Variants in STXBP4 observed in about 807,000 individuals in gnomAD.
The protein encoded by STXBP4 is syntaxin binding protein 4, also known as syntaxin-binding protein 4.
Under a neutral mutation model 76.1 loss-of-function variants are expected in STXBP4, and 55 were observed. The ratio of observed to expected loss-of-function variants is 0.72; its 90% CI spans 0.58 to 0.91. The LOEUF is 0.91. STXBP4 is among the 40% of genes least tolerant of loss of function. The probability of loss-of-function intolerance (pLI) is 0.00; values close to 1 mark genes in which losing one functional copy is unlikely to be tolerated. For synonymous variants in STXBP4, 201 were observed against 220.2 expected, an observed-to-expected ratio of 0.91 and a Z score of 0.77; for missense variants, 618 against 636.9, an observed-to-expected ratio of 0.97 and a Z score of 0.32.
At chr17:55,097,408 A>T in intron 16 of STXBP4, among the ~76,000 whole-genome samples, 1 of 152,252 alleles carries the variant, frequency 6.6e-6, no homozygotes, top group East Asian at 1.9e-4. Flanking sequence ...TCATGCCTGT[A>T]ATCCCAGCAC....
At chr17:55,152,763 A>G (rs1391377366) in intron 17 of STXBP4, among the ~76,000 whole-genome samples, 2 of 152,206 alleles carry the variant, frequency 1.3e-5, no homozygotes, top group Non-Finnish European at 2.9e-5. Context: ...ACACATGGAG[A>G]TTACAATTCA....
the STXBP4 span, among the ~76,000 whole-genome samples, chr17:55,180,400 C>T: frequency 7.5e-4 from 114 of 152,278 alleles, no homozygotes; most frequent in African/African-American, 2.6e-3. Context: ...GGTCATCAAA[C>T]GATACTCTGT....
In STXBP4 at chr17:55,169,199, A is replaced by G. The variant is rs989217215; in HGVS notation, c.*9288A>G. On this transcript the variant is annotated 3_prime_UTR_variant, in exon 18 of 18. Transcript: ENST00000376352. ...TAGAACCGATCCAAAGGAAAGGGGG[A>G]AAAAAACCCACAAAAAGTGTGATGT... The G allele has an allele frequency of 6.6e-6, 1 of 152,092 alleles. No individual in the cohort carries two copies. The highest frequency in any genetic ancestry group is 2.1e-4 in the South Asian group (1 of 4,818). 9.4% of individuals were successfully genotyped at this position (152,092 alleles called of 1,614,324 possible). A position where few individuals can be genotyped will look rare whatever the true frequency, so the allele number is the denominator to read the frequency against.
At position 55,078,125 on chromosome 17, in the gene STXBP4, A is replaced by C. The variant is rs1567751317; in HGVS notation, c.1236A>C (p.Gln412His). 1.2e-6 allele frequency: 2 copies of C among 1,612,590 alleles called. No individual in the cohort carries two copies. The highest frequency in any genetic ancestry group is 1.3e-5 in the African/African-American group (1 of 74,948). ...LKKRIMVLDC[Q>H]LRKSEMARKT... ...AGAGAATCATGGTACTCGACTGCCAATTACGAAAATCAGAAATGGCTCGAA... is the reference window on the plus strand; with the variant it reads ...AGAGAATCATGGTACTCGACTGCCACTTACGAAAATCAGAAATGGCTCGAA... The change falls in exon 14 of 18, where the codon CAA (glutamine) becomes CAC (histidine). Residue 412 changes from glutamine to histidine, a missense_variant. Coordinates refer to ENST00000376352, the MANE Select transcript of STXBP4 (RefSeq NM_178509.6).
chr17:54,982,907 T>C (rs990477120), intron 1 of STXBP4, among the ~76,000 whole-genome samples: 1 of 152,206 alleles, frequency 6.6e-6, no homozygotes, highest in African/African-American at 2.4e-5. Flanking sequence ...TTACCTGAAT[T>C]AATTTTCCAG....
At chr17:55,138,152 T>G (rs1179013549) in intron 16 of STXBP4, among the ~76,000 whole-genome samples, 1 of 152,138 alleles carries the variant, frequency 6.6e-6, no homozygotes, top group African/African-American at 2.4e-5. Flanking sequence ...ATTTTTTTTG[T>G]AGAACTTATT....
chr17:55,137,271 T>C (rs2787473), intron 16 of STXBP4, among the ~76,000 whole-genome samples: 92,851 of 146,224 alleles, frequency 0.63, 30,419 homozygotes, highest in African/African-American at 0.79. Flanking sequence ...CACACCTCCA[T>C]GTTCCCTCCC....
chr17:55,093,957 A>G (rs1335934634), intron 16 of STXBP4, among the ~76,000 whole-genome samples: 1 of 152,132 alleles, frequency 6.6e-6, no homozygotes, highest in Non-Finnish European at 1.5e-5. Context: ...GACAGTGATG[A>G]GTGTTATGCA....
intron 7 of STXBP4, among the ~76,000 whole-genome samples, chr17:55,006,351 C>G (rs2078007512): frequency 6.6e-6 from 1 of 152,084 alleles, no homozygotes; most frequent in South Asian, 2.1e-4. Flanking sequence ...GACAGATGCT[C>G]TGAGAAATTT....
chr17:54,999,898 A>G (rs2077880110), intron 6 of STXBP4, 56 bp downstream of exon 6: 3 of 1,138,884 alleles, frequency 2.6e-6, no homozygotes, highest in Non-Finnish European at 3.8e-6. Context: ...TTCCCTATAC[A>G]TTTTTACATT....
At chr17:55,132,942 A>G (rs1427594783) in intron 16 of STXBP4, among the ~76,000 whole-genome samples, 2 of 152,242 alleles carry the variant, frequency 1.3e-5, no homozygotes, top group Admixed American at 6.5e-5. Context: ...GTTATGTTCA[A>G]GGAACAGTAT....
intron 8 of STXBP4, among the ~76,000 whole-genome samples, chr17:55,018,255 T>G (rs937497744): frequency 2.0e-5 from 3 of 152,148 alleles, no homozygotes; most frequent in Admixed American, 2.0e-4. Context: ...ATGGCAAGCC[T>G]TTAGCCCGAT....
chr17:55,062,711 A>G (rs1228794914), intron 12 of STXBP4, among the ~76,000 whole-genome samples: 1 of 152,128 alleles, frequency 6.6e-6, no homozygotes, highest in Non-Finnish European at 1.5e-5. Context: ...TTACACTCCC[A>G]CCAACAGTGT....
intron 17 of STXBP4, among the ~76,000 whole-genome samples, chr17:55,155,503 A>G (rs368517401): frequency 2.8e-5 from 4 of 140,712 alleles, no homozygotes; most frequent in African/African-American, 1.1e-4. Context: ...ATATGCATAC[A>G]ATTATCACCC....
At chr17:55,098,711 AG>A (rs1720471640) in intron 16 of STXBP4, among the ~76,000 whole-genome samples, 1 of 152,194 alleles carries the variant, frequency 6.6e-6, no homozygotes, top group Non-Finnish European at 1.5e-5. Context: ...ACTATCAGAA[AG>A]GCCTTACCTA....
chr17:55,042,024 G>A (rs1304839511), intron 10 of STXBP4, among the ~76,000 whole-genome samples: 1 of 152,148 alleles, frequency 6.6e-6, no homozygotes, highest in Non-Finnish European at 1.5e-5. Context: ...TGTAGATCAT[G>A]TAAATTATGG....
chr17:55,120,723 A>T (rs1267871577), intron 16 of STXBP4, among the ~76,000 whole-genome samples: 2 of 152,226 alleles, frequency 1.3e-5, no homozygotes, highest in African/African-American at 2.4e-5. Context: ...AGCAGAGGTC[A>T]AGGGAGTGCA....
chr17:55,135,263 C>T (rs2080016457), intron 16 of STXBP4, among the ~76,000 whole-genome samples: 1 of 152,090 alleles, frequency 6.6e-6, no homozygotes, highest in Non-Finnish European at 1.5e-5. Flanking sequence ...GGATAAGTGA[C>T]TTCTAACTAG....
intron 12 of STXBP4, among the ~76,000 whole-genome samples, chr17:55,072,180 CTG>C (rs1037435433): frequency 2.0e-5 from 3 of 152,094 alleles, no homozygotes; most frequent in Admixed American, 1.3e-4. Context: ...TCTGGCACTG[CTG>C]TGTGTTCTTG....
Sources: allele counts gnomAD v4.1 joint callset (sites outside exome capture counted in the v4.1 genomes callset), GRCh38; gene constraint gnomAD v4.1.1; transcripts MANE v1.5; gene names NCBI Gene and HGNC (gene_info 2026-07-23, HGNC 2026-07-21).